PCDH11X: variants seen among roughly 807,000 people sequenced by gnomAD.
PCDH11X encodes the protein protocadherin 11 X-linked.
Under a neutral mutation model 53.3 loss-of-function variants are expected in PCDH11X, and 18 were observed. That is an observed-to-expected ratio of 0.34 (90% confidence interval 0.23 to 0.50). The LOEUF (loss-of-function observed/expected upper bound fraction) is 0.50. PCDH11X is among the 20% of genes least tolerant of loss of function. The pLI is 0.98. For synonymous variants in PCDH11X, 279 were observed against 393.3 expected (o/e 0.71, Z 3.44); for missense variants, 570 against 1,032.4 (o/e 0.55, Z 6.14).
At chrX:92,061,629 G>T (rs1013387623) in intron 6 of PCDH11X, among the ~76,000 whole-genome samples, 1 of 109,400 alleles carries the variant, frequency 9.1e-6, no homozygotes, top group African/African-American at 3.4e-5. Flanking sequence ...TTATTTGGGG[G>T]CTCTGTCTTC....
intron 6 of PCDH11X, among the ~76,000 whole-genome samples, chrX:92,171,317 T>A (rs1216215328): frequency 1.9e-5 from 2 of 105,935 alleles, no homozygotes; most frequent in African/African-American, 3.4e-5. Flanking sequence ...TCCAAAATTT[T>A]AAAAAATACT....
intron 10 of PCDH11X, among the ~76,000 whole-genome samples, chrX:92,551,876 C>A (rs918638826): frequency 9.5e-6 from 1 of 105,731 alleles, no homozygotes; most frequent in Non-Finnish European, 2.0e-5. Flanking sequence ...GGATTTAATT[C>A]TGGGTTCTCT....
chrX:92,048,370 T>A (rs1489581927), intron 6 of PCDH11X, among the ~76,000 whole-genome samples: 1 of 111,035 alleles, frequency 9.0e-6, no homozygotes, highest in East Asian at 2.8e-4. Context: ...TTCCATTTTG[T>A]AAGATATGGC....
At chrX:92,595,970 G>T (rs1278514659) in intron 10 of PCDH11X, among the ~76,000 whole-genome samples, 1 of 109,151 alleles carries the variant, frequency 9.2e-6, no homozygotes, top group Non-Finnish European at 1.9e-5. Flanking sequence ...AAATAGAGAG[G>T]TCTAGCCAAT....
rs753650737 is a variant in PCDH11X at position 91,849,622 on chromosome X, TCTA to T, written c.540+13582_540+13584del. Among the ~76,000 whole-genome samples the T allele has an allele frequency of 1.2e-3, 136 of 110,457 alleles. 2 individuals are homozygous for T. The East Asian group carries it at 0.036, about 29-fold the overall frequency. ...TCCGTATTTACCAAATGTTTACCAG[TCTA>T]CTATCATTGATAGGGTTCACTATAT... is the stretch of plus-strand genomic sequence containing the variant. On this transcript the variant is annotated intron_variant, in intron 5 of 10. Transcript: ENST00000682573.
intron 6 of PCDH11X, among the ~76,000 whole-genome samples, chrX:91,929,990 C>T (rs969300732): frequency 4.5e-5 from 5 of 110,235 alleles, no homozygotes; most frequent in African/African-American, 1.3e-4. Context: ...GAAAGCAAAT[C>T]GAAATCCATA....
intron 10 of PCDH11X, among the ~76,000 whole-genome samples, chrX:92,538,263 C>T (rs1042977686): frequency 2.0e-5 from 2 of 101,584 alleles, no homozygotes; most frequent in East Asian, 3.3e-4. Context: ...GTATCTATAT[C>T]GGAGAAGTTT....
intron 10 of PCDH11X, among the ~76,000 whole-genome samples, chrX:92,536,083 A>G (rs2148731567): frequency 9.3e-6 from 1 of 106,966 alleles, no homozygotes; most frequent in Admixed American, 1.0e-4. Flanking sequence ...CTTCCTTTTT[A>G]TTCTATTCTT....
At chrX:91,993,918 G>T (rs1462950853) in intron 6 of PCDH11X, among the ~76,000 whole-genome samples, 6 of 95,911 alleles carry the variant, frequency 6.3e-5, no homozygotes, top group African/African-American at 1.9e-4. Flanking sequence ...CTTGTTCCAT[G>T]TAAACTGATC....
chrX:92,114,081 C>T, intron 6 of PCDH11X: 2 of 1,161,640 alleles, frequency 1.7e-6, no homozygotes, highest in Non-Finnish European at 1.2e-6. Context: ...AGGAGGCACC[C>T]ATGTAGTCTA....
chrX:92,395,088 T>C (rs1426510428), intron 9 of PCDH11X, among the ~76,000 whole-genome samples: 1 of 111,483 alleles, frequency 9.0e-6, no homozygotes, highest in African/African-American at 3.2e-5. Flanking sequence ...TCAATAATCT[T>C]AGAAATTGTT....
At chrX:92,150,308 G>A (rs2065410649) in intron 6 of PCDH11X, among the ~76,000 whole-genome samples, 1 of 110,705 alleles carries the variant, frequency 9.0e-6, no homozygotes, top group Non-Finnish European at 1.9e-5. Flanking sequence ...GTTTGTAAAA[G>A]TATGACATTA....
chrX:92,246,095 A>C (rs552066328), intron 7 of PCDH11X, among the ~76,000 whole-genome samples: 1 of 111,426 alleles, frequency 9.0e-6, no homozygotes, highest in East Asian at 2.8e-4. Flanking sequence ...ATACTGTAGA[A>C]ACATATCGGA....
rs949267223 is a variant in PCDH11X at position 92,277,389 on chromosome X, G to A, written c.3144+14246G>A. Among the ~76,000 whole-genome samples the A allele has an allele frequency of 1.7e-4, 19 of 111,201 alleles. 1 individual carries two copies. The highest frequency in any genetic ancestry group is 2.6e-4 in the African/African-American group (8 of 30,513). ...TGTCAAGTTTATATTGGGGTCAAGC[G>A]GCATTGCAGAAGAAAATAAGACATT... On this transcript the variant is annotated intron_variant, in intron 8 of 10. Transcript: ENST00000682573.
intron 6 of PCDH11X, among the ~76,000 whole-genome samples, chrX:92,190,860 G>T (rs891367713): frequency 9.0e-6 from 1 of 111,173 alleles, no homozygotes. Flanking sequence ...ATAAACTGAA[G>T]AACTTTTCAC....
intron 8 of PCDH11X, among the ~76,000 whole-genome samples, chrX:92,298,050 G>A (rs2522787): frequency 9.0e-6 from 1 of 111,463 alleles, no homozygotes; most frequent in Non-Finnish European, 1.9e-5. Flanking sequence ...TTTTGACAGA[G>A]ACTATGGAGT....
intron 6 of PCDH11X, among the ~76,000 whole-genome samples, chrX:92,183,222 T>C (rs2066026668): frequency 9.2e-6 from 1 of 108,271 alleles, no homozygotes; most frequent in Non-Finnish European, 1.9e-5. Flanking sequence ...TGTCCTCCAA[T>C]CTATTTGCAT....
At chrX:92,582,937 G>A (rs2148788544) in intron 10 of PCDH11X, among the ~76,000 whole-genome samples, 1 of 110,200 alleles carries the variant, frequency 9.1e-6, no homozygotes, top group Non-Finnish European at 1.9e-5. Flanking sequence ...AATTGCATGG[G>A]GCCTGTAGTC....
intron 6 of PCDH11X, among the ~76,000 whole-genome samples, chrX:92,002,637 T>C (rs1418256168): frequency 9.1e-6 from 1 of 109,912 alleles, no homozygotes; most frequent in Non-Finnish European, 1.9e-5. Context: ...TACTAGGTAA[T>C]TAATTTTATG....
Sources: allele counts gnomAD v4.1 joint callset (sites outside exome capture counted in the v4.1 genomes callset), GRCh38; gene constraint gnomAD v4.1.1; transcripts MANE v1.5; gene names NCBI Gene and HGNC (gene_info 2026-07-23, HGNC 2026-07-21).